The following PTPN20 variants were observed in gnomAD, a reference collection of about 807,000 sequenced individuals.
PTPN20 encodes the protein tyrosine-protein phosphatase non-receptor type 20.
PTPN20 carries 9 observed loss-of-function variants against 35.0 expected under a neutral mutation model. The observed-to-expected ratio is 0.26, with a 90% CI of 0.15 to 0.45. PTPN20 has a LOEUF of 0.45. Ranked by LOEUF, PTPN20 falls within the 20% of genes least tolerant of loss-of-function variation. The pLI is 1.00. For synonymous variants in PTPN20, 32 were observed against 100.2 expected, an observed-to-expected ratio of 0.32 and a Z score of 4.06; for missense variants, 111 against 312.5, an observed-to-expected ratio of 0.36 and a Z score of 4.86.
intron 1 of PTPN20, among the ~76,000 whole-genome samples, chr10:46,928,482 T>C: frequency 6.6e-6 from 1 of 152,296 alleles, no homozygotes; most frequent in South Asian, 2.1e-4. Context: ...TGAATCCTTT[T>C]ATTTTATTTT....
intron 5 of PTPN20, among the ~76,000 whole-genome samples, chr10:46,951,473 G>A (rs1296407188): frequency 6.6e-6 from 1 of 152,240 alleles, no homozygotes; most frequent in African/African-American, 2.4e-5. Flanking sequence ...CTTAAGAAGG[G>A]AGACTTTCAT....
chr10:46,936,382 G>C (rs1316265969), intron 2 of PTPN20, among the ~76,000 whole-genome samples: 206 of 152,048 alleles, frequency 1.4e-3, no homozygotes, highest in Non-Finnish European at 2.3e-3. Context: ...CTGATTGGTA[G>C]GTTTTTTTAA....
At chr10:46,939,619 G>T (rs2042799849) in intron 2 of PTPN20, among the ~76,000 whole-genome samples, 1 of 147,648 alleles carries the variant, frequency 6.8e-6, no homozygotes, top group African/African-American at 2.5e-5. Context: ...AGTTTCTCTG[G>T]GTTTCCTCAG....
chr10:46,982,776 G>A (rs1375174912), intron 7 of PTPN20, among the ~76,000 whole-genome samples: 1 of 151,556 alleles, frequency 6.6e-6, no homozygotes, highest in Non-Finnish European at 1.5e-5. Context: ...ACACTTGCCA[G>A]GCTTATTATT....
At chr10:46,941,667 A>G (rs1278067360) in intron 3 of PTPN20, among the ~76,000 whole-genome samples, 6 of 148,436 alleles carry the variant, frequency 4.0e-5, no homozygotes, top group South Asian at 2.1e-4. Context: ...ACATTTTGTG[A>G]TTTTGTTTAT....
intron 4 of PTPN20, among the ~76,000 whole-genome samples, chr10:46,945,433 A>G (rs1555140256): frequency 6.6e-6 from 1 of 152,210 alleles, no homozygotes; most frequent in Non-Finnish European, 1.5e-5. Flanking sequence ...GAATTTTCTT[A>G]CAGAAGTAAA....
intron 1 of PTPN20, among the ~76,000 whole-genome samples, chr10:46,931,146 TGCCA>T (rs2133110248): frequency 2.1e-5 from 2 of 95,432 alleles, no homozygotes; most frequent in Non-Finnish European, 3.9e-5. Context: ...ACCTGGTTAA[TGCCA>T]GACAGAAATA....
At chr10:46,997,542 C>T (rs1344688146) in intron 9 of PTPN20, among the ~76,000 whole-genome samples, 3 of 150,410 alleles carry the variant, frequency 2.0e-5, no homozygotes, top group Admixed American at 1.3e-4. Flanking sequence ...TGAGAGCAGG[C>T]GTTGTTGCCA....
At chr10:46,919,320 C>A (rs1230362132) in intron 1 of PTPN20, among the ~76,000 whole-genome samples, 7 of 150,946 alleles carry the variant, frequency 4.6e-5, no homozygotes, top group African/African-American at 1.7e-4. Flanking sequence ...TATCATCTTG[C>A]CAGGTTTGCG....
intron 5 of PTPN20, chr10:46,947,803 TG>T (rs1555142655): frequency 4.7e-6 from 2 of 424,678 alleles, no homozygotes; most frequent in Admixed American, 5.0e-5. Flanking sequence ...TCTGTGTCAT[TG>T]CATTTATCAG....
chr10:46,980,108 G>T (rs2054903308), intron 7 of PTPN20, among the ~76,000 whole-genome samples: 7 of 144,550 alleles, frequency 4.8e-5, no homozygotes. Context: ...GAAATTTCTA[G>T]AGGTCCAGTG....
At chr10:46,999,066 A>C (rs1419409914) in intron 9 of PTPN20, among the ~76,000 whole-genome samples, 1 of 152,220 alleles carries the variant, frequency 6.6e-6, no homozygotes, top group East Asian at 1.9e-4. Flanking sequence ...GTACTCCAGC[A>C]GCTGAGACAA....
At chr10:46,980,109 AG>A (rs1156255115) in intron 7 of PTPN20, among the ~76,000 whole-genome samples, 18 of 144,680 alleles carry the variant, frequency 1.2e-4, no homozygotes, top group African/African-American at 3.7e-4. Flanking sequence ...AAATTTCTAG[AG>A]GTCCAGTGTT....
At chr10:46,932,130 A>G (rs2039851069) in intron 1 of PTPN20, among the ~76,000 whole-genome samples, 1 of 150,458 alleles carries the variant, frequency 6.6e-6, no homozygotes, top group Non-Finnish European at 1.5e-5. Context: ...TGGAGGGGCC[A>G]TTCACATATT....
intron 7 of PTPN20, among the ~76,000 whole-genome samples, chr10:46,977,512 T>C (rs1418165616): frequency 6.6e-6 from 1 of 151,854 alleles, no homozygotes; most frequent in Non-Finnish European, 1.5e-5. Context: ...TAATAATTCA[T>C]AGTGTAATGT....
intron 2 of PTPN20, among the ~76,000 whole-genome samples, chr10:46,939,129 T>C (rs1351189119): frequency 1.4e-4 from 20 of 144,650 alleles, no homozygotes; most frequent in African/African-American, 4.7e-4. Flanking sequence ...GAGAGATTTT[T>C]TTCATTGAAA....
intron 5 of PTPN20, among the ~76,000 whole-genome samples, chr10:46,950,880 T>G (rs1309200062): frequency 1.3e-5 from 2 of 151,872 alleles, no homozygotes; most frequent in Non-Finnish European, 2.9e-5. Flanking sequence ...CCATAGTTTT[T>G]AAAATTTAAA....
At chr10:46,923,642 GTTC>G (rs1376542680) in intron 1 of PTPN20, among the ~76,000 whole-genome samples, 5 of 151,306 alleles carry the variant, frequency 3.3e-5, no homozygotes, top group Admixed American at 6.6e-5. Context: ...TTCCAACTTT[GTTC>G]TTCTTTAGTA....
At chr10:46,954,831 A>G (rs2047970061) in intron 5 of PTPN20, among the ~76,000 whole-genome samples, 2 of 150,954 alleles carry the variant, frequency 1.3e-5, no homozygotes, top group Non-Finnish European at 2.9e-5. Flanking sequence ...TAGATTATTG[A>G]TATATTTCTT....
Sources: gnomAD v4.1 joint callset for allele counts (sites outside exome capture counted in the v4.1 genomes callset) on GRCh38, gnomAD v4.1.1 for gene constraint, MANE v1.5 for transcripts, NCBI Gene and HGNC (gene_info 2026-07-23, HGNC 2026-07-21) for gene names.